MCC: variants seen among roughly 807,000 people sequenced by gnomAD.
MCC encodes colorectal mutant cancer protein.
In MCC, 90 loss-of-function variants were observed where a neutral mutation model predicts 116.2. The observed-to-expected ratio is 0.77, with a 90% confidence interval of 0.65 to 0.92. The LOEUF (loss-of-function observed/expected upper bound fraction) is 0.92, where lower values mean the gene tolerates loss of function less well. Among genes scored for constraint, MCC ranks in the 40% least tolerant of loss-of-function variants. The pLI, the probability that MCC is intolerant of heterozygous loss-of-function variation, is 0.00. For synonymous variants in MCC, 578 were observed against 510.5 expected (o/e 1.13, Z -1.78); for missense variants, 1,516 against 1,312.2 (o/e 1.16, Z -2.40).
intron 3 of MCC, among the ~76,000 whole-genome samples, chr5:113,314,479 C>A (rs1370515912): frequency 1.3e-5 from 2 of 152,226 alleles, no homozygotes; most frequent in African/African-American, 2.4e-5. Context: ...CAACTCCACA[C>A]AGTATAGAGC....
chr5:113,262,497 G>T (rs1765253532), intron 3 of MCC, among the ~76,000 whole-genome samples: 2 of 152,180 alleles, frequency 1.3e-5, no homozygotes, highest in African/African-American at 4.8e-5. Flanking sequence ...TTAAAAGATG[G>T]TACCAAATAC....
intron 3 of MCC, among the ~76,000 whole-genome samples, chr5:113,226,762 T>C (rs1763758157): frequency 1.3e-5 from 2 of 152,328 alleles, no homozygotes; most frequent in Admixed American, 1.3e-4. Flanking sequence ...GTAATTTTAG[T>C]GTTTAAAATT....
intron 2 of MCC, among the ~76,000 whole-genome samples, chr5:113,375,337 T>C (rs1768956613): frequency 6.6e-6 from 1 of 152,226 alleles, no homozygotes; most frequent in South Asian, 2.1e-4. Flanking sequence ...TTTCACTTGA[T>C]CATATATGAT....
At chr5:113,166,427 T>C (rs940263349) in intron 3 of MCC, among the ~76,000 whole-genome samples, 1 of 152,108 alleles carries the variant, frequency 6.6e-6, no homozygotes, top group Non-Finnish European at 1.5e-5. Context: ...TGAGTAAGCT[T>C]TTGCCTGATA....
chr5:113,366,198 G>T (rs868020384), intron 2 of MCC, among the ~76,000 whole-genome samples: 12 of 151,678 alleles, frequency 7.9e-5, no homozygotes, highest in African/African-American at 2.7e-4. Flanking sequence ...TGTTCATTTG[G>T]TTCCTTTTTT....
At chr5:113,336,090 AAAAG>A (rs1174896652) in intron 3 of MCC, among the ~76,000 whole-genome samples, 2 of 151,456 alleles carry the variant, frequency 1.3e-5, no homozygotes, top group Non-Finnish European at 2.9e-5. Flanking sequence ...AGGTGAGAGA[AAAAG>A]AAAGAGAGAG....
At chr5:113,358,555 G>C (rs1000948970) in intron 2 of MCC, among the ~76,000 whole-genome samples, 6 of 152,114 alleles carry the variant, frequency 3.9e-5, no homozygotes, top group African/African-American at 1.4e-4. Context: ...TCTATGTTTA[G>C]TGGCCCTGTA....
intron 1 of MCC, among the ~76,000 whole-genome samples, chr5:113,482,787 G>A (rs1286558433): frequency 3.9e-5 from 6 of 152,012 alleles, no homozygotes; most frequent in Admixed American, 1.3e-4. Context: ...TTCTTTTGTA[G>A]CTTGTGCTTT....
intron 8 of MCC, among the ~76,000 whole-genome samples, chr5:113,098,413 C>G (rs1756181683): frequency 6.6e-6 from 1 of 152,236 alleles, no homozygotes. Flanking sequence ...ACCCCTCTGT[C>G]TGGCACAGAG....
At chr5:113,029,733 T>C (rs552136938) in intron 17 of MCC, among the ~76,000 whole-genome samples, 2 of 152,336 alleles carry the variant, frequency 1.3e-5, no homozygotes, top group South Asian at 4.1e-4. Context: ...GCTCATTGCC[T>C]TCCTCTAATT....
chr5:113,176,185 A>G (rs939829055), intron 3 of MCC, among the ~76,000 whole-genome samples: 1 of 152,180 alleles, frequency 6.6e-6, no homozygotes, highest in Non-Finnish European at 1.5e-5. Context: ...TAGCTCCTAA[A>G]TGCCCATTTC....
intron 1 of MCC, among the ~76,000 whole-genome samples, chr5:113,400,224 G>C (rs933456931): frequency 4.9e-5 from 7 of 142,632 alleles, no homozygotes; most frequent in Admixed American, 2.1e-4. Flanking sequence ...CCGGGTTCAA[G>C]TGATTCTCCC....
At chr5:113,251,761 A>G (rs115650940) in intron 3 of MCC, among the ~76,000 whole-genome samples, 2,132 of 152,326 alleles carry the variant, frequency 0.014, 59 homozygotes, top group African/African-American at 0.049. Context: ...AAACATGCCT[A>G]TGGGCTGCTG....
chr5:113,135,698 T>C (rs1758776705), intron 5 of MCC, among the ~76,000 whole-genome samples: 1 of 152,072 alleles, frequency 6.6e-6, no homozygotes, highest in Non-Finnish European at 1.5e-5. Context: ...CCTAGATACG[T>C]AACCTACCTA....
chr5:113,386,224 C>G (rs1348472493), intron 1 of MCC, among the ~76,000 whole-genome samples: 1 of 152,178 alleles, frequency 6.6e-6, no homozygotes, highest in Admixed American at 6.5e-5. Flanking sequence ...ATTAGTGTGC[C>G]TGTCTCAACA....
At chr5:113,036,608 C>CT (rs958402082) in intron 17 of MCC, among the ~76,000 whole-genome samples, 21 of 152,052 alleles carry the variant, frequency 1.4e-4, no homozygotes, top group Admixed American at 8.5e-4. Context: ...AGCAGTCTAA[C>CT]TTTTTTTTGC....
At chr5:113,372,651 G>A (rs1768863299) in intron 2 of MCC, among the ~76,000 whole-genome samples, 1 of 152,142 alleles carries the variant, frequency 6.6e-6, no homozygotes, top group Admixed American at 6.5e-5. Context: ...CACTAAGAAT[G>A]AATGTATGAA....
rs139675469 is a variant in MCC, at chr5:113,064,313, T to G, written c.2030-146A>C. On this transcript the variant is annotated intron_variant, in intron 13 of 18. Transcript: ENST00000408903. Reference sequence around the variant, plus strand: ...GCAGTGCCCAGCCGAAGAGAAGATCTGTGTTCTGGGCCTGGCACTATCACT... The same window carrying G: ...GCAGTGCCCAGCCGAAGAGAAGATCGGTGTTCTGGGCCTGGCACTATCACT... 3.3e-4 allele frequency: 235 copies of G among 702,878 alleles called. 1 individual carries two copies. In the African/African-American group the frequency reaches 3.9e-3, roughly 12 times the overall value. 43.5% of individuals were successfully genotyped at this position (702,878 alleles called of 1,614,324 possible).
chr5:113,052,691 T>G (rs961945088), intron 15 of MCC, among the ~76,000 whole-genome samples: 1 of 152,128 alleles, frequency 6.6e-6, no homozygotes, highest in African/African-American at 2.4e-5. Flanking sequence ...CTGATCCTAA[T>G]AGGAGCCATT....
Sources: gnomAD v4.1 joint callset for allele counts (sites outside exome capture counted in the v4.1 genomes callset) on GRCh38, gnomAD v4.1.1 for gene constraint, MANE v1.5 for transcripts, NCBI Gene and HGNC (gene_info 2026-07-23, HGNC 2026-07-21) for gene names.